Variants in LRRC4C observed in about 807,000 individuals in gnomAD.
The protein encoded by LRRC4C is leucine-rich repeat-containing protein 4C.
LRRC4C carries 5 observed loss-of-function variants against 33.6 expected under a neutral mutation model. The ratio of observed to expected loss-of-function variants is 0.15; its 90% CI spans 0.08 to 0.31. The LOEUF (loss-of-function observed/expected upper bound fraction) is 0.31, where lower values mean the gene tolerates loss of function less well. Ranked by LOEUF, LRRC4C falls within the 10% of genes least tolerant of loss-of-function variation. The pLI is 1.00. For synonymous variants in LRRC4C, 329 were observed against 302.0 expected (o/e 1.09, Z -0.93); for missense variants, 560 against 796.7 (o/e 0.70, Z 3.58).
At chr11:41,123,261 GTTTTTTTTTTTTTTTTT>G (rs1217714729) in intron 1 of LRRC4C, among the ~76,000 whole-genome samples, 1 of 48,086 alleles carries the variant, frequency 2.1e-5, no homozygotes, top group African/African-American at 5.8e-5. Context: ...GCTATGTTTT[GTTTTTTTTTTTTTTTTT>G]TTTTTTTTTT....
chr11:40,431,007 T>G (rs1950903899), intron 3 of LRRC4C, among the ~76,000 whole-genome samples: 1 of 140,390 alleles, frequency 7.1e-6, no homozygotes, highest in Non-Finnish European at 1.5e-5. Context: ...AGATGAGGAG[T>G]TAGTGGGTGC....
intron 1 of LRRC4C, among the ~76,000 whole-genome samples, chr11:41,285,724 A>G (rs1181432282): frequency 2.0e-5 from 3 of 152,184 alleles, no homozygotes; most frequent in Non-Finnish European, 4.4e-5. Context: ...ATACATATTT[A>G]AAGTGTGTTA....
At chr11:41,130,029 A>G (rs1206440514) in intron 1 of LRRC4C, among the ~76,000 whole-genome samples, 1 of 151,980 alleles carries the variant, frequency 6.6e-6, no homozygotes, top group Admixed American at 6.6e-5. Flanking sequence ...AGGAGACTAG[A>G]TCCTCTTGAC....
intron 6 of LRRC4C, among the ~76,000 whole-genome samples, chr11:40,120,273 A>C (rs1855730845): frequency 6.6e-6 from 1 of 152,202 alleles, no homozygotes; most frequent in Admixed American, 6.5e-5. Context: ...GTTTTATAGG[A>C]CTACACCCCT....
intron 1 of LRRC4C, among the ~76,000 whole-genome samples, chr11:41,190,587 C>A (rs930982088): frequency 1.3e-5 from 2 of 152,162 alleles, no homozygotes; most frequent in East Asian, 3.9e-4. Context: ...ACATAGATTA[C>A]CCAGTCCTCA....
At chr11:40,983,981 T>G (rs1256975375) in intron 1 of LRRC4C, among the ~76,000 whole-genome samples, 2 of 152,144 alleles carry the variant, frequency 1.3e-5, no homozygotes, top group East Asian at 3.9e-4. Flanking sequence ...CAACTTTAAA[T>G]AGGCACATGT....
chr11:40,131,012 CT>C (rs1223456722), intron 6 of LRRC4C, among the ~76,000 whole-genome samples: 1 of 152,158 alleles, frequency 6.6e-6, no homozygotes, highest in East Asian at 1.9e-4. Flanking sequence ...GACTATAACA[CT>C]TACCAAATCC....
At chr11:41,242,247 G>A (rs973524017) in intron 1 of LRRC4C, among the ~76,000 whole-genome samples, 2 of 151,958 alleles carry the variant, frequency 1.3e-5, no homozygotes, top group Non-Finnish European at 2.9e-5. Context: ...ACCTTAGATA[G>A]TGAATTATTA....
In LRRC4C at chr11:41,303,548, A is replaced by G. The variant is rs1314257950; in HGVS notation, c.-496+155883T>C. Among the ~76,000 whole-genome samples the G allele has an allele frequency of 1.1e-4, 9 of 84,778 alleles. No individual in the cohort carries two copies. The East Asian group carries it at 2.9e-3, about 27-fold the overall frequency. The allele number at this position is 84,778 out of a possible 152,430, so 55.6% of individuals were successfully genotyped here. On this transcript the variant is annotated intron_variant, in intron 1 of 6. Coordinates refer to ENST00000528697, the MANE Select transcript of LRRC4C (RefSeq NM_001258419.2). ...GAGGAGTGTCTCTGCCTGGCCGCCC[A>G]TCGTCTGGGATGTGAGGAGCCCCTC...
At chr11:41,384,290 A>G (rs1953269320) in intron 1 of LRRC4C, among the ~76,000 whole-genome samples, 1 of 151,926 alleles carries the variant, frequency 6.6e-6, no homozygotes, top group Non-Finnish European at 1.5e-5. Context: ...AATAAAAACT[A>G]TGCTAGTCTC....
intron 3 of LRRC4C, among the ~76,000 whole-genome samples, chr11:40,560,770 G>T (rs1957517425): frequency 1.3e-5 from 2 of 152,156 alleles, no homozygotes. Flanking sequence ...TCAATCAGAT[G>T]CTCTGTTTTG....
At chr11:40,992,912 A>G (rs987902926) in intron 1 of LRRC4C, among the ~76,000 whole-genome samples, 1 of 152,162 alleles carries the variant, frequency 6.6e-6, no homozygotes, top group African/African-American at 2.4e-5. Flanking sequence ...AACTTTAGAT[A>G]AGAAGAATAT....
At chr11:40,356,046 C>T (rs1308936297) in intron 3 of LRRC4C, among the ~76,000 whole-genome samples, 1 of 151,664 alleles carries the variant, frequency 6.6e-6, no homozygotes, top group Non-Finnish European at 1.5e-5. Flanking sequence ...GTGTGTTTCT[C>T]AGCTCTGGCA....
intron 1 of LRRC4C, among the ~76,000 whole-genome samples, chr11:40,990,230 T>TA (rs1592275427): frequency 6.9e-5 from 6 of 86,902 alleles, no homozygotes; most frequent in East Asian, 3.1e-4. Context: ...TATGTCAAGT[T>TA]TTATATATAT....
intron 1 of LRRC4C, among the ~76,000 whole-genome samples, chr11:41,410,931 G>C (rs1056293997): frequency 1.3e-5 from 2 of 151,786 alleles, no homozygotes; most frequent in South Asian, 4.2e-4. Flanking sequence ...CTGCCTGAGA[G>C]CCATCTAAAT....
At position 40,696,281 on chromosome 11, in the gene LRRC4C, C is replaced by CATATATATATATATATATAT. The variant is rs753906826; in HGVS notation, c.-406-48004_-406-48003insATATATATATATATATATAT. On this transcript the variant is annotated intron_variant, in intron 2 of 6. Coordinates refer to ENST00000528697, the MANE Select transcript of LRRC4C (RefSeq NM_001258419.2). Reference sequence around the variant, plus strand: ...TATTATCTTCCCTACCACAATGCCACATATATATATATATATATGGTATAT... The same window carrying CATATATATATATATATATAT: ...TATTATCTTCCCTACCACAATGCCACATATATATATATATATATATATATATATATATATATATGGTATAT... Among the ~76,000 whole-genome samples the CATATATATATATATATATAT allele has an allele frequency of 2.8e-3, 261 of 92,728 alleles. 2 individuals carry two copies. The highest frequency in any genetic ancestry group is 0.018 in the African/African-American group (246 of 13,334). 60.8% of individuals were successfully genotyped at this position (92,728 alleles called of 152,430 possible).
intron 3 of LRRC4C, among the ~76,000 whole-genome samples, chr11:40,546,004 A>C (rs758810312): frequency 6.6e-6 from 1 of 151,998 alleles, no homozygotes; most frequent in Non-Finnish European, 1.5e-5. Flanking sequence ...CAAGTCAGAA[A>C]TGTGATGGCA....
At chr11:41,227,994 A>G (rs1947617278) in intron 1 of LRRC4C, among the ~76,000 whole-genome samples, 2 of 152,134 alleles carry the variant, frequency 1.3e-5, no homozygotes, top group South Asian at 4.1e-4. Flanking sequence ...GGGCATTTGA[A>G]TGTATTCACA....
At chr11:40,626,683 C>A (rs1962959491) in intron 3 of LRRC4C, among the ~76,000 whole-genome samples, 1 of 152,186 alleles carries the variant, frequency 6.6e-6, no homozygotes, top group Admixed American at 6.5e-5. Flanking sequence ...TTATTGAGCT[C>A]CACATACAGT....
Sources: gnomAD v4.1 joint callset for allele counts (sites outside exome capture counted in the v4.1 genomes callset) on GRCh38, gnomAD v4.1.1 for gene constraint, MANE v1.5 for transcripts, NCBI Gene and HGNC (gene_info 2026-07-23, HGNC 2026-07-21) for gene names.